SARNP: variants seen among roughly 807,000 people sequenced by gnomAD.
The protein encoded by SARNP is SAP domain-containing ribonucleoprotein.
SARNP carries 5 observed loss-of-function variants against 38.1 expected under a neutral mutation model. The ratio of observed to expected loss-of-function variants is 0.13; its 90% confidence interval spans 0.07 to 0.28. SARNP has a LOEUF of 0.28. Among genes scored for constraint, SARNP ranks in the 10% least tolerant of loss-of-function variants. The pLI, the probability that SARNP is intolerant of heterozygous loss-of-function variation, is 1.00. For synonymous variants in SARNP, 84 were observed against 80.6 expected, an observed-to-expected ratio of 1.04 and a Z score of -0.23; for missense variants, 180 against 243.9, an observed-to-expected ratio of 0.74 and a Z score of 1.75.
At chr12:55,783,294 G>A (rs1177576213) in intron 9 of SARNP, among the ~76,000 whole-genome samples, 1 of 98,836 alleles carries the variant, frequency 1.0e-5, no homozygotes, top group Admixed American at 1.3e-4. Context: ...ATTTATCTGA[G>A]TTTTGTTGTT....
chr12:55,802,587 T>C (rs1347816239), intron 2 of SARNP, among the ~76,000 whole-genome samples: 1 of 151,862 alleles, frequency 6.6e-6, no homozygotes, highest in Non-Finnish European at 1.5e-5. Flanking sequence ...CAAATAAATT[T>C]TGTGTTTAGG....
At chr12:55,754,766 C>G (rs76805779), downstream of SARNP, 2 of 152,338 alleles carry the variant, frequency 1.3e-5, no homozygotes, top group African/African-American at 4.8e-5. Flanking sequence ...TTAATTCACA[C>G]AGCAACCTTC....
intron 1 of SARNP, among the ~76,000 whole-genome samples, chr12:55,813,007 C>T (rs919858794): frequency 5.3e-5 from 8 of 151,684 alleles, no homozygotes; most frequent in African/African-American, 1.9e-4. Context: ...AGTGCAATGG[C>T]GCGATCTCGG....
chr12:55,790,172 T>TTA (rs1879623157), intron 8 of SARNP, among the ~76,000 whole-genome samples: 1 of 134,694 alleles, frequency 7.4e-6, no homozygotes, highest in African/African-American at 2.7e-5. Flanking sequence ...GATAGTATTT[T>TTA]AAAAAAAAAA....
chr12:55,795,261 A>G (rs1592574565), intron 5 of SARNP, among the ~76,000 whole-genome samples: 1 of 152,150 alleles, frequency 6.6e-6, no homozygotes, highest in Non-Finnish European at 1.5e-5. Flanking sequence ...GGCCCAGCCA[A>G]AGGTAGGTAT....
Position 55,774,094 on chromosome 12 carries a change from T to C in SARNP, c.502-13454A>G, listed in dbSNP as rs189804450. The stretch of plus-strand genomic sequence containing the variant: ...ACCATAGCTCGCTGCAGCCTGGACC[T>C]CCTTGGCTCAAGCAATCCTCCCACC... On this transcript the variant is annotated intron_variant, in intron 9 of 10. Transcript: ENST00000336133. Among the ~76,000 whole-genome samples, 6 of 152,196 alleles carry C rather than the reference T, an allele frequency of 3.9e-5. No homozygotes were observed. The East Asian group carries it at 1.2e-3, about 29-fold the overall frequency.
At chr12:55,767,724 G>A (rs1388618056) in intron 9 of SARNP, among the ~76,000 whole-genome samples, 1 of 151,536 alleles carries the variant, frequency 6.6e-6, no homozygotes, top group East Asian at 1.9e-4. Flanking sequence ...GCGGGCGCCT[G>A]TAGTCCCAGC....
At chr12:55,799,725 T>C (rs1343872282) in intron 4 of SARNP, among the ~76,000 whole-genome samples, 1 of 151,558 alleles carries the variant, frequency 6.6e-6, no homozygotes, top group Non-Finnish European at 1.5e-5. Context: ...AACTAATTTT[T>C]GTATTTTTAG....
At position 55,760,688 on chromosome 12, in the gene SARNP, C is replaced by T. The variant is rs114687634; in HGVS notation, c.502-48G>A. The T allele has an allele frequency of 2.2e-5, 27 of 1,250,594 alleles. No homozygotes were observed. The African/African-American group carries it at 3.2e-4, about 15-fold the overall frequency. The allele number at this position is 1,250,594 out of a possible 1,614,324, so 77.5% of individuals were successfully genotyped here. A position where few individuals can be genotyped will look rare whatever the true frequency, so the allele number is the denominator to read the frequency against. On this transcript the variant is annotated intron_variant, in intron 9 of 10. Coordinates refer to ENST00000336133, the MANE Select transcript of SARNP (RefSeq NM_033082.4). ...GTTGAAACAAACTAGCCTCCATTCA[C>T]CAAGTAAATGGGAATGAAATGATAA...
intron 9 of SARNP, among the ~76,000 whole-genome samples, chr12:55,771,689 A>T (rs1338343818): frequency 1.3e-5 from 2 of 152,200 alleles, no homozygotes; most frequent in African/African-American, 4.8e-5. Flanking sequence ...CACAAAAATA[A>T]CAAATAACTG....
intron 9 of SARNP, among the ~76,000 whole-genome samples, chr12:55,781,475 A>C (rs182498933): frequency 6.6e-6 from 1 of 150,796 alleles, no homozygotes; most frequent in Non-Finnish European, 1.5e-5. Context: ...CAGAGGTTGC[A>C]GTGAGCTGAG....
At chr12:55,777,029 A>G (rs1469791890) in intron 9 of SARNP, among the ~76,000 whole-genome samples, 1 of 152,222 alleles carries the variant, frequency 6.6e-6, no homozygotes, top group Non-Finnish European at 1.5e-5. Context: ...CTTGTTTTTT[A>G]TCAAAGTCAT....
chr12:55,768,187 G>A (rs959825664), intron 9 of SARNP, among the ~76,000 whole-genome samples: 13 of 152,088 alleles, frequency 8.5e-5, no homozygotes, highest in Non-Finnish European at 1.3e-4. Flanking sequence ...GCGCAAAGGC[G>A]TGACATCGGC....
chr12:55,774,596 A>AAAAAAAAAAAAAAAAAAAAAAAAG, intron 9 of SARNP, among the ~76,000 whole-genome samples: 1 of 149,856 alleles, frequency 6.7e-6, no homozygotes, highest in Admixed American at 6.6e-5. Flanking sequence ...AAAAAAACAA[A>AAAAAAAAAAAAAAAAAAAAAAAAG]AATTAGCCAG....
Position 55,804,975 on chromosome 12 carries a change from T to C in SARNP, c.37-1247A>G, listed in dbSNP as rs533797035. On this transcript the variant is annotated intron_variant, in intron 1 of 10. Coordinates refer to ENST00000336133, the MANE Select transcript of SARNP (RefSeq NM_033082.4). ...AAAGTGGAGAGTTTTTTAAAACATA[T>C]CACAATGGCCGGGCGCGGTGGCTCA... Among the ~76,000 whole-genome samples, 84 of 152,224 alleles carry C rather than the reference T, an allele frequency of 5.5e-4. 2 individuals are homozygous for C. Among genetic ancestry groups the C allele is most frequent in the African/African-American group, 1.7e-3 (72 of 41,542 alleles).
intron 1 of SARNP, among the ~76,000 whole-genome samples, chr12:55,815,602 T>C (rs1880458129): frequency 1.3e-5 from 2 of 152,118 alleles, no homozygotes; most frequent in Admixed American, 6.6e-5. Flanking sequence ...TAGCTGGGAC[T>C]ACAGGCACTT....
At chr12:55,814,295 G>C (rs1402975376) in intron 1 of SARNP, among the ~76,000 whole-genome samples, 1 of 152,152 alleles carries the variant, frequency 6.6e-6, no homozygotes, top group Non-Finnish European at 1.5e-5. Context: ...CTTCTTACAT[G>C]ACAAAGGCCA....
In SARNP at chr12:55,763,813, T is replaced by C. The variant is rs192970554; in HGVS notation, c.502-3173A>G. On this transcript the variant is annotated intron_variant, in intron 9 of 10. Transcript: ENST00000336133. ...ACAGCAATTAAATTCATTTCATAGA[T>C]AGGAAAATTTAGTCTTGGAGAGATT... Among the ~76,000 whole-genome samples, 5 of 152,276 alleles carry C rather than the reference T, an allele frequency of 3.3e-5. No homozygotes were observed. The East Asian group carries it at 5.8e-4, about 18-fold the overall frequency.
chr12:55,781,463 G>A (rs1879337338), intron 9 of SARNP, among the ~76,000 whole-genome samples: 1 of 151,566 alleles, frequency 6.6e-6, no homozygotes, highest in Non-Finnish European at 1.5e-5. Flanking sequence ...AAAACCGGAA[G>A]GCAGAGGTTG....
Sources: gnomAD v4.1 joint callset for allele counts (sites outside exome capture counted in the v4.1 genomes callset) on GRCh38, gnomAD v4.1.1 for gene constraint, MANE v1.5 for transcripts, NCBI Gene and HGNC (gene_info 2026-07-23, HGNC 2026-07-21) for gene names.